Variants in TRIO observed in about 807,000 individuals in gnomAD.
TRIO encodes the protein trio Rho guanine nucleotide exchange factor, also known as triple functional domain protein.
A neutral mutation model predicts 351.9 loss-of-function variants in TRIO; 58 were observed. That is an observed-to-expected ratio of 0.16 (90% CI 0.13 to 0.21). The LOEUF (loss-of-function observed/expected upper bound fraction) is 0.21. Ranked by LOEUF, TRIO falls within the 10% of genes least tolerant of loss-of-function variation. TRIO has a pLI of 1.00. For missense variants in TRIO, 3,201 were observed against 4,027.8 expected (o/e 0.79, Z 5.56); for synonymous variants, 1,758 against 1,595.7 (o/e 1.10, Z -2.42).
In TRIO at chr5:14,485,842, G is replaced by C. The variant is rs184062230; in HGVS notation, c.6835+596G>C. 3.1e-3 allele frequency among the ~76,000 whole-genome samples: 472 copies of C among 152,300 alleles called. 2 individuals are homozygous for C. Among genetic ancestry groups the C allele is most frequent in the African/African-American group, 0.011 (460 of 41,552 alleles). ...CTCTACTAAAAATACAAAAAAATTAGCCGGGCGTGGTGGCGCATGCCTGTA... is the reference window on the plus strand; with the variant it reads ...CTCTACTAAAAATACAAAAAAATTACCCGGGCGTGGTGGCGCATGCCTGTA... On this transcript the variant is annotated intron_variant, in intron 47 of 56. Coordinates refer to ENST00000344204, the MANE Select transcript of TRIO (RefSeq NM_007118.4).
chr5:14,487,735 G>A lies in TRIO; in HGVS notation c.7107G>A (p.Thr2369=). The stretch of plus-strand genomic sequence containing the variant: ...CAGAGGCAGACAAGATGTCAGGTAC[G>A]TCCACCCCCGGGCCCTCCCTGCCTC... The part of the protein sequence containing the change: ...SQAEADKMSG[T]STPGPSLPPP... Residue 2369 remains threonine, a synonymous_variant, in exon 48 of 57, where the codon ACG becomes ACA. Transcript: ENST00000344204. 2 of 1,428,264 alleles carry A rather than the reference G, an allele frequency of 1.4e-6. No homozygotes were observed. The highest frequency in any genetic ancestry group is 1.9e-4 in the Middle Eastern group (1 of 5,194). The allele number at this position is 1,428,264 out of a possible 1,614,324, so 88.5% of individuals were successfully genotyped here.
chr5:14,299,445 C>T (rs1350796361), intron 7 of TRIO, among the ~76,000 whole-genome samples: 4 of 152,246 alleles, frequency 2.6e-5, no homozygotes, highest in Non-Finnish European at 5.9e-5. Context: ...ACAAGGCCTG[C>T]ACGTAGACAA....
chr5:14,428,331 C>A (rs1207311531), intron 34 of TRIO, among the ~76,000 whole-genome samples: 2 of 152,126 alleles, frequency 1.3e-5, no homozygotes, highest in Non-Finnish European at 2.9e-5. Flanking sequence ...ATATTTCAAA[C>A]CCTTTTCTGC....
chr5:14,437,900 A>G (rs1410029078), intron 34 of TRIO, among the ~76,000 whole-genome samples: 4 of 152,038 alleles, frequency 2.6e-5, no homozygotes, highest in African/African-American at 9.7e-5. Context: ...TCAGTGCCCA[A>G]TTTGCTTGAC....
chr5:14,484,979 T>G, intron 46 of TRIO, 90 bp from the exon 47 acceptor site: 1 of 1,348,594 alleles, frequency 7.4e-7, no homozygotes, highest in Non-Finnish European at 9.8e-7. Flanking sequence ...ATAGCCCACA[T>G]TTTCTTTGTC....
intron 11 of TRIO, among the ~76,000 whole-genome samples, chr5:14,354,491 C>A (rs61469842): frequency 1.1e-4 from 17 of 152,096 alleles, no homozygotes; most frequent in Non-Finnish European, 1.5e-5. Flanking sequence ...ACCCGGACGC[C>A]CTCCTGCTGC....
chr5:14,249,269 T>A (rs1461483624), intron 1 of TRIO, among the ~76,000 whole-genome samples: 1 of 152,246 alleles, frequency 6.6e-6, no homozygotes, highest in African/African-American at 2.4e-5. Flanking sequence ...TCCAGAGCCA[T>A]CCTGAAATTC....
intron 37 of TRIO, among the ~76,000 whole-genome samples, chr5:14,468,375 C>G (rs773228277): frequency 1.3e-5 from 2 of 152,254 alleles, no homozygotes; most frequent in African/African-American, 4.8e-5. Flanking sequence ...CCTTCAGCCT[C>G]GGAGACTGTC....
chr5:14,405,251 C>A (rs1224450147), intron 31 of TRIO, among the ~76,000 whole-genome samples: 1 of 152,160 alleles, frequency 6.6e-6, no homozygotes, highest in African/African-American at 2.4e-5. Flanking sequence ...GAGCTTGGAA[C>A]ATTGGGCACA....
chr5:14,229,810 T>C (rs1360308671), intron 1 of TRIO, among the ~76,000 whole-genome samples: 3 of 152,202 alleles, frequency 2.0e-5, no homozygotes, highest in Non-Finnish European at 4.4e-5. Flanking sequence ...CATTTATAAA[T>C]ACTTATTTAA....
intron 28 of TRIO, among the ~76,000 whole-genome samples, chr5:14,394,573 A>G (rs894408469): frequency 2.6e-5 from 4 of 152,162 alleles, no homozygotes; most frequent in African/African-American, 9.7e-5. Context: ...CAGAACACAG[A>G]TCTGGCTGAT....
rs571046285 is a variant in TRIO, at chr5:14,326,278, G to A, written c.1732-4500G>A. On this transcript the variant is annotated intron_variant, in intron 9 of 56. Coordinates refer to ENST00000344204, the MANE Select transcript of TRIO (RefSeq NM_007118.4). ...TTGCTGGTCAAATGACCGTAATCAT[G>A]CCACCATCACGTTCAGTCTTGCAAT... Among the ~76,000 whole-genome samples, 8 of 152,334 alleles carry A rather than the reference G, an allele frequency of 5.3e-5. No individual in the cohort carries two copies. The South Asian group carries it at 1.7e-3, about 32-fold the overall frequency.
intron 3 of TRIO, 43 bp downstream of exon 3, chr5:14,280,479 A>G (rs539365542): frequency 7.9e-6 from 12 of 1,518,134 alleles, no homozygotes; most frequent in African/African-American, 1.4e-5. Flanking sequence ...TGTCACATTT[A>G]CAAGAGATGT....
intron 40 of TRIO, among the ~76,000 whole-genome samples, 167 bp from the exon 41 acceptor site, chr5:14,476,727 G>C (rs1468790742): frequency 6.6e-6 from 1 of 151,684 alleles, no homozygotes; most frequent in Non-Finnish European, 1.5e-5. Context: ...CCAGGAGGCG[G>C]AGGTTGCAGT....
chr5:14,266,140 C>A (rs1795661936), intron 1 of TRIO, among the ~76,000 whole-genome samples: 2 of 152,004 alleles, frequency 1.3e-5, no homozygotes, highest in African/African-American at 4.8e-5. Flanking sequence ...CTCACTGCAC[C>A]CTTCGCCTCC....
At chr5:14,405,272 C>T (rs1429027243) in intron 31 of TRIO, among the ~76,000 whole-genome samples, 3 of 152,156 alleles carry the variant, frequency 2.0e-5, no homozygotes, top group Non-Finnish European at 4.4e-5. Flanking sequence ...TTTCTTCTGT[C>T]CACACCTCAG....
chr5:14,377,410 T>A (rs1745656366), intron 19 of TRIO, among the ~76,000 whole-genome samples: 1 of 152,136 alleles, frequency 6.6e-6, no homozygotes, highest in South Asian at 2.1e-4. Flanking sequence ...CATGCCCTGC[T>A]AATTTTTGTA....
At chr5:14,229,623 G>T (rs771244476) in intron 1 of TRIO, among the ~76,000 whole-genome samples, 3 of 152,182 alleles carry the variant, frequency 2.0e-5, no homozygotes, top group Non-Finnish European at 4.4e-5. Context: ...CAACGTTCAA[G>T]GCTGGGTCCA....
chr5:14,473,948 C>T, intron 39 of TRIO, 46 bp from the exon 40 acceptor site: 1 of 1,565,520 alleles, frequency 6.4e-7, no homozygotes. Context: ...CTAGTTGATT[C>T]AGACATATTC....
Sources: gnomAD v4.1 joint callset for allele counts (sites outside exome capture counted in the v4.1 genomes callset) on GRCh38, gnomAD v4.1.1 for gene constraint, MANE v1.5 for transcripts, NCBI Gene and HGNC (gene_info 2026-07-23, HGNC 2026-07-21) for gene names.